NMRAL1: variants seen among roughly 807,000 people sequenced by gnomAD.
NMRAL1 encodes the protein NmrA like redox sensor 1, also known as nmrA-like family domain-containing protein 1.
NMRAL1 carries 32 observed loss-of-function variants against 27.5 expected under a neutral mutation model. The ratio of observed to expected loss-of-function variants is 1.16; its 90% CI spans 0.88 to 1.56. NMRAL1 has a LOEUF of 1.56. Ranked by LOEUF, NMRAL1 falls within the 40% of genes most tolerant of loss-of-function variation. The pLI is 0.00. For missense variants in NMRAL1, 420 were observed against 392.0 expected (o/e 1.07, Z -0.60); for synonymous variants, 166 against 166.8 (o/e 1.00, Z 0.04).
At chr16:4,470,438 C>T (rs1185611332) in intron 2 of NMRAL1, among the ~76,000 whole-genome samples, 1 of 151,888 alleles carries the variant, frequency 6.6e-6, no homozygotes, top group Non-Finnish European at 1.5e-5. Flanking sequence ...CCATTGCACT[C>T]CAGCCTGGGC....
rs1421009592 is a variant in NMRAL1 at position 4,466,223 on chromosome 16, G to C, written c.459C>G (p.Pro153=). 1 of 1,614,026 alleles carries C rather than the reference G, an allele frequency of 6.2e-7. No homozygotes were observed. Among genetic ancestry groups the C allele is most frequent in the African/African-American group, 1.3e-5 (1 of 74,914 alleles). ...IGVPMTSVRL[P]CYFENLLSHF... ...GGGAGAGGAGGTTCTCAAAATAGCA[G>C]GGCAGCCGCACACTGGTCATGGGAA... is the stretch of plus-strand genomic sequence containing the variant. Residue 153 remains proline (P), a synonymous_variant, in exon 4 of 6, where the codon CCC becomes CCG. Transcript: ENST00000283429.
At chr16:4,470,161 C>CAAAAA (rs34104543) in intron 2 of NMRAL1, among the ~76,000 whole-genome samples, 3 of 51,494 alleles carry the variant, frequency 5.8e-5, no homozygotes, top group African/African-American at 9.4e-5. Flanking sequence ...GATTCCCTCT[C>CAAAAA]AAAAAAAAAA....
intron 2 of NMRAL1, chr16:4,469,691 C>T: frequency 2.4e-6 from 2 of 848,948 alleles, no homozygotes; most frequent in South Asian, 1.9e-5. Flanking sequence ...CTTGGTGAAA[C>T]CCCGCCTCTA....
rs182200800 is a variant in NMRAL1, at chr16:4,471,750, A to T, written c.41-2285T>A. Among the ~76,000 whole-genome samples, 130 of 152,210 alleles carry T rather than the reference A, an allele frequency of 8.5e-4. 3 individuals carry two copies. The highest frequency in any genetic ancestry group is 1.0e-3 in the Admixed American group (16 of 15,242). ...TAGTATGGAAGGGCGGTGTACACATATCTGCAATTTACACAGAAATGCATC... is the reference window on the plus strand; with the variant it reads ...TAGTATGGAAGGGCGGTGTACACATTTCTGCAATTTACACAGAAATGCATC... On this transcript the variant is annotated intron_variant, in intron 2 of 5. Transcript: ENST00000283429.
intron 2 of NMRAL1, among the ~76,000 whole-genome samples, chr16:4,472,639 G>A (rs1300117323): frequency 6.6e-6 from 1 of 151,812 alleles, no homozygotes; most frequent in Non-Finnish European, 1.5e-5. Flanking sequence ...TGCTACTCAG[G>A]AGGGTGAGAC....
At chr16:4,475,294 G>GT (rs957453921), upstream of NMRAL1, among the ~76,000 whole-genome samples, 63 of 149,622 alleles carry the variant, frequency 4.2e-4, no homozygotes, top group Non-Finnish European at 5.2e-4. Context: ...ACTGATTTCA[G>GT]TTTTTTTTTG....
rs202218846 is a variant in NMRAL1 at position 4,461,872 on chromosome 16, G to A, written c.808C>T (p.Arg270Cys). ...MFRFYALRPD[R>C]DIELTLRLNP... ...AGTCTCAGGGTCAGCTCGATGTCAC[G>A]GTCGGGTCTCAGGGCATAGAAACGG... Residue 270 changes from arginine (R) to cysteine (C), a missense_variant, in exon 6 of 6, where the codon CGT (arginine) becomes TGT (cysteine). Coordinates refer to ENST00000283429, the MANE Select transcript of NMRAL1 (RefSeq NM_020677.6). 93 of 1,614,084 alleles carry A rather than the reference G, an allele frequency of 5.8e-5. No homozygotes were observed. The highest frequency in any genetic ancestry group is 6.9e-5 in the Non-Finnish European group (81 of 1,180,034).
At chr16:4,468,441 C>T (rs11866458) in intron 3 of NMRAL1, among the ~76,000 whole-genome samples, 17,516 of 151,970 alleles carry the variant, frequency 0.12, 2,107 homozygotes, top group African/African-American at 0.3. Flanking sequence ...CATGGTGAAA[C>T]CCCGCCTCTA....
chr16:4,465,593 T>C (rs1198161429), intron 4 of NMRAL1, among the ~76,000 whole-genome samples: 1 of 152,114 alleles, frequency 6.6e-6, no homozygotes, highest in Non-Finnish European at 1.5e-5. Flanking sequence ...TGAGACGGAG[T>C]GTTGCTCTTG....
At position 4,469,234 on chromosome 16, in the gene NMRAL1, ACCT is replaced by A; in HGVS notation, c.269_271del (p.Glu90del). On this transcript the variant is annotated inframe_deletion, in exon 3 of 6. Coordinates refer to ENST00000283429, the MANE Select transcript of NMRAL1 (RefSeq NM_020677.6). ...GCTCCTGCCTGCCCTCACCTGCTTG[ACCT>A]CCTGCTCCTGGCTGCAGCTCTCCCA... 6.2e-7 allele frequency: 1 copy of A among 1,611,612 alleles called. No individual in the cohort carries two copies. Among genetic ancestry groups the A allele is most frequent in the Non-Finnish European group, 8.5e-7 (1 of 1,178,840 alleles).
intron 4 of NMRAL1, among the ~76,000 whole-genome samples, chr16:4,465,345 G>A (rs1033898882): frequency 1.2e-4 from 19 of 152,202 alleles, no homozygotes; most frequent in African/African-American, 4.6e-4. Flanking sequence ...AGAGGGTAAG[G>A]AGTGGCCAGC....
intron 4 of NMRAL1, 52 bp from the exon 5 acceptor site, chr16:4,463,902 G>T: frequency 6.7e-7 from 1 of 1,497,418 alleles, no homozygotes; most frequent in Non-Finnish European, 9.2e-7. Flanking sequence ...GACAGGGGCA[G>T]GGACAGAGCC....
upstream of NMRAL1, chr16:4,475,980 G>C (rs1248772520): frequency 6.6e-6 from 1 of 152,232 alleles, no homozygotes; most frequent in Non-Finnish European, 1.5e-5. Flanking sequence ...GCTGTTTGAA[G>C]AATGCGAATA....
chr16:4,469,549 C>A, intron 2 of NMRAL1, 84 bp from the exon 3 acceptor site: 1 of 1,577,654 alleles, frequency 6.3e-7, no homozygotes, highest in Non-Finnish European at 8.6e-7. Flanking sequence ...AGTGCTCCAC[C>A]ACAGCAAGGA....
At position 4,461,863 on chromosome 16, in the gene NMRAL1, C is replaced by T. The variant is rs374250406; in HGVS notation, c.817G>A (p.Glu273Lys). Residue 273 changes from glutamate (E) to lysine (K), a missense_variant, in exon 6 of 6, where the codon GAG (glutamate) becomes AAG (lysine). Coordinates refer to ENST00000283429, the MANE Select transcript of NMRAL1 (RefSeq NM_020677.6). The stretch of plus-strand genomic sequence containing the variant: ...TTGGGGTTGAGTCTCAGGGTCAGCT[C>T]GATGTCACGGTCGGGTCTCAGGGCA... ...FYALRPDRDI[E>K]LTLRLNPKAL... 7.1e-5 allele frequency: 114 copies of T among 1,614,166 alleles called. No individual in the cohort carries two copies. Among genetic ancestry groups the T allele is most frequent in the Non-Finnish European group, 8.9e-5 (105 of 1,180,022 alleles).
At position 4,474,082 on chromosome 16, in the gene NMRAL1, G is replaced by C. The variant is rs775117410; in HGVS notation, c.40+11C>G. The C allele has an allele frequency of 6.2e-7, 1 of 1,610,310 alleles. No homozygotes were observed. The highest frequency in any genetic ancestry group is 8.5e-7 in the Non-Finnish European group (1 of 1,177,560). ...GGCTCTGCAAGGGCCCCAGTCTGGG[G>C]TTTGGCTCACCTGTGCCTCCGAAAA... On this transcript the variant is annotated intron_variant, in intron 2 of 5. Coordinates refer to ENST00000283429, the MANE Select transcript of NMRAL1 (RefSeq NM_020677.6).
At chr16:4,475,839 T>G (rs2057808791), upstream of NMRAL1, 1 of 152,070 alleles carries the variant, frequency 6.6e-6, no homozygotes, top group African/African-American at 2.4e-5. Context: ...TTCGGGAGGT[T>G]AAGGCAGGAG....
chr16:4,466,541 C>T (rs2057336932), intron 3 of NMRAL1, 139 bp from the exon 4 acceptor site: 1 of 752,992 alleles, frequency 1.3e-6, no homozygotes, highest in African/African-American at 1.8e-5. Flanking sequence ...GAGGAGGCCC[C>T]CTCTCCTGGA....
chr16:4,474,934 AACTC>A (rs2057772765), upstream of NMRAL1: 1 of 152,088 alleles, frequency 6.6e-6, no homozygotes, highest in African/African-American at 2.4e-5. Flanking sequence ...TTCTTTGCCT[AACTC>A]ACTTTTAAAA....
Sources: allele counts gnomAD v4.1 joint callset (sites outside exome capture counted in the v4.1 genomes callset), GRCh38; gene constraint gnomAD v4.1.1; transcripts MANE v1.5; gene names NCBI Gene and HGNC (gene_info 2026-07-23, HGNC 2026-07-21).